Variants in CFAP299 observed in about 807,000 individuals in gnomAD.
CFAP299 encodes the protein cilia- and flagella-associated protein 299.
A neutral mutation model predicts 27.0 loss-of-function variants in CFAP299; 21 were observed. The observed-to-expected ratio is 0.78, with a 90% CI of 0.55 to 1.12. The LOEUF (loss-of-function observed/expected upper bound fraction) is 1.12, where lower values mean the gene tolerates loss of function less well. CFAP299 is among the 50% of genes most tolerant of loss of function. The probability of loss-of-function intolerance (pLI) is 0.00; values close to 1 mark genes in which losing one functional copy is unlikely to be tolerated. For synonymous variants in CFAP299, 104 were observed against 98.1 expected (o/e 1.06, Z -0.36); for missense variants, 310 against 276.6 (o/e 1.12, Z -0.86).
chr4:80,388,871 T>C (rs1015065198), intron 2 of CFAP299, among the ~76,000 whole-genome samples: 3 of 152,220 alleles, frequency 2.0e-5, no homozygotes, highest in Admixed American at 2.0e-4. Context: ...TAAATTATTC[T>C]TGTAAGGCAT....
chr4:80,559,910 G>T (rs1734956702), intron 2 of CFAP299, among the ~76,000 whole-genome samples: 2 of 152,140 alleles, frequency 1.3e-5, no homozygotes, highest in African/African-American at 2.4e-5. Flanking sequence ...CATAAGGACT[G>T]CAATGCTTAG....
intron 4 of CFAP299, among the ~76,000 whole-genome samples, chr4:80,901,542 C>T (rs534406314): frequency 1.1e-4 from 16 of 152,194 alleles, no homozygotes; most frequent in African/African-American, 3.9e-4. Flanking sequence ...TAAGATGCTT[C>T]GTGACCCTTA....
intron 3 of CFAP299, among the ~76,000 whole-genome samples, chr4:80,630,275 A>G (rs541565612): frequency 3.9e-4 from 60 of 152,306 alleles, no homozygotes; most frequent in African/African-American, 1.3e-3. Flanking sequence ...GTAAATTAAC[A>G]GTAAAGTAAA....
intron 3 of CFAP299, among the ~76,000 whole-genome samples, chr4:80,674,533 G>A (rs1037164160): frequency 6.6e-6 from 1 of 152,060 alleles, no homozygotes. Context: ...TATCTTTGTG[G>A]TGTTCTCCAT....
chr4:80,378,481 T>G (rs184121608), intron 2 of CFAP299, among the ~76,000 whole-genome samples: 17 of 148,116 alleles, frequency 1.1e-4, no homozygotes, highest in Admixed American at 8.8e-4. Flanking sequence ...GGGGATATTG[T>G]TTTTTTTTTC....
intron 2 of CFAP299, among the ~76,000 whole-genome samples, chr4:80,423,065 A>G (rs1179515270): frequency 1.3e-5 from 2 of 152,208 alleles, no homozygotes; most frequent in African/African-American, 2.4e-5. Context: ...CACAGTAAAC[A>G]TAGGTATAAA....
intron 3 of CFAP299, among the ~76,000 whole-genome samples, chr4:80,789,783 C>A (rs1191894588): frequency 6.6e-6 from 1 of 151,940 alleles, no homozygotes; most frequent in Non-Finnish European, 1.5e-5. Context: ...AAATTTAATG[C>A]CTTCTCATCA....
At chr4:80,781,363 A>G (rs1047239017) in intron 3 of CFAP299, among the ~76,000 whole-genome samples, 1 of 152,094 alleles carries the variant, frequency 6.6e-6, no homozygotes, top group African/African-American at 2.4e-5. Context: ...GATTTCAAAT[A>G]AGAGAGGTGT....
intron 3 of CFAP299, among the ~76,000 whole-genome samples, chr4:80,693,441 G>T: frequency 6.7e-6 from 1 of 149,978 alleles, no homozygotes; most frequent in South Asian, 2.1e-4. Flanking sequence ...GTAAACTATC[G>T]CAAGAACAAA....
At chr4:80,330,166 C>T in the CFAP299 span, among the ~76,000 whole-genome samples, 2 of 152,082 alleles carry the variant, frequency 1.3e-5, no homozygotes, top group Admixed American at 1.3e-4. Flanking sequence ...AAAATTCTTT[C>T]CCCAAAGCTT....
intron 3 of CFAP299, among the ~76,000 whole-genome samples, chr4:80,713,377 T>C (rs760142326): frequency 3.3e-5 from 5 of 152,166 alleles, no homozygotes; most frequent in African/African-American, 1.2e-4. Flanking sequence ...CTATCAAACT[T>C]TACAGTAAGA....
At chr4:80,465,607 T>G (rs1247194176) in intron 2 of CFAP299, among the ~76,000 whole-genome samples, 1 of 152,160 alleles carries the variant, frequency 6.6e-6, no homozygotes, top group Non-Finnish European at 1.5e-5. Context: ...TGCTATATTA[T>G]GAGAAATTAA....
At chr4:80,430,282 C>A (rs1260238955) in intron 2 of CFAP299, among the ~76,000 whole-genome samples, 1 of 152,116 alleles carries the variant, frequency 6.6e-6, no homozygotes, top group Non-Finnish European at 1.5e-5. Flanking sequence ...ACAAAACAAA[C>A]AAATCCATTG....
chr4:80,673,955 A>G (rs1719215802), intron 3 of CFAP299, among the ~76,000 whole-genome samples: 1 of 150,218 alleles, frequency 6.7e-6, no homozygotes, highest in African/African-American at 2.5e-5. Flanking sequence ...TAGCACACTG[A>G]TGTGTCTTGA....
intron 2 of CFAP299, among the ~76,000 whole-genome samples, chr4:80,492,171 C>A (rs1731169553): frequency 6.6e-6 from 1 of 152,174 alleles, no homozygotes; most frequent in Admixed American, 6.5e-5. Context: ...CTGGGCCAAA[C>A]CAATGCATTT....
At chr4:80,820,900 A>T (rs1729668813) in intron 3 of CFAP299, among the ~76,000 whole-genome samples, 1 of 152,210 alleles carries the variant, frequency 6.6e-6, no homozygotes, top group Non-Finnish European at 1.5e-5. Context: ...GTGATTTTGG[A>T]TAACACAGAT....
At chr4:80,845,326 T>A (rs542561190) in intron 3 of CFAP299, among the ~76,000 whole-genome samples, 2 of 152,240 alleles carry the variant, frequency 1.3e-5, no homozygotes, top group East Asian at 3.9e-4. Flanking sequence ...GTGATGTTTT[T>A]AAAAATCTGA....
intron 3 of CFAP299, among the ~76,000 whole-genome samples, chr4:80,767,386 G>T (rs1214984470): frequency 6.6e-6 from 1 of 152,074 alleles, no homozygotes; most frequent in African/African-American, 2.4e-5. Flanking sequence ...GAGGCGGGTG[G>T]ATCACGAGGT....
intron 3 of CFAP299, among the ~76,000 whole-genome samples, chr4:80,807,716 A>G (rs1228473038): frequency 6.6e-6 from 1 of 152,136 alleles, no homozygotes; most frequent in African/African-American, 2.4e-5. Context: ...AATAAAATGC[A>G]TTTATATAAA....
Sources: gnomAD v4.1 joint callset for allele counts (sites outside exome capture counted in the v4.1 genomes callset) on GRCh38, gnomAD v4.1.1 for gene constraint, MANE v1.5 for transcripts, NCBI Gene and HGNC (gene_info 2026-07-23, HGNC 2026-07-21) for gene names.